ZMYM4: variants seen among roughly 807,000 people sequenced by gnomAD.
ZMYM4 encodes zinc finger MYM-type protein 4.
ZMYM4 carries 31 observed loss-of-function variants against 183.2 expected under a neutral mutation model. That is an observed-to-expected ratio of 0.17 (90% CI 0.13 to 0.23). The LOEUF is 0.23. ZMYM4 is among the 10% of genes least tolerant of loss of function. ZMYM4 has a pLI of 1.00. For synonymous variants in ZMYM4, 592 were observed against 631.2 expected (o/e 0.94, Z 0.93); for missense variants, 1,273 against 1,840.3 (o/e 0.69, Z 5.64).
intron 1 of ZMYM4, among the ~76,000 whole-genome samples, chr1:35,276,136 C>T (rs1639861080): frequency 6.6e-6 from 1 of 152,016 alleles, no homozygotes; most frequent in African/African-American, 2.4e-5. Context: ...TCTTTCTTTA[C>T]ACTTCCCAAT....
chr1:35,358,874 G>A, intron 2 of ZMYM4, 51 bp from the exon 3 acceptor site: 1 of 1,446,994 alleles, frequency 6.9e-7, no homozygotes, highest in Non-Finnish European at 9.5e-7. Flanking sequence ...CCTTATCATT[G>A]TGGTCATCTT....
At chr1:35,276,503 G>A (rs1377897879) in intron 1 of ZMYM4, among the ~76,000 whole-genome samples, 3 of 147,770 alleles carry the variant, frequency 2.0e-5, no homozygotes, top group Non-Finnish European at 4.4e-5. Context: ...TATTCTTTAA[G>A]TGTCTTTTTA....
chr1:35,408,983 T>C (rs1570546513), intron 26 of ZMYM4, among the ~76,000 whole-genome samples: 1 of 152,286 alleles, frequency 6.6e-6, no homozygotes, highest in East Asian at 1.9e-4. Context: ...GCTTTCTGTC[T>C]CTCTGGACTT....
chr1:35,378,963 A>T (rs1644392801), intron 7 of ZMYM4, among the ~76,000 whole-genome samples: 1 of 152,106 alleles, frequency 6.6e-6, no homozygotes, highest in African/African-American at 2.4e-5. Context: ...TCTTTACCTG[A>T]GTCTTCCTAG....
intron 10 of ZMYM4, 35 bp from the exon 11 acceptor site, chr1:35,386,039 A>T: frequency 7.0e-7 from 1 of 1,438,368 alleles, no homozygotes; most frequent in Non-Finnish European, 9.8e-7. Context: ...ACATTTGTAC[A>T]TATTACTCAT....
chr1:35,303,566 G>A (rs923191066), intron 1 of ZMYM4, among the ~76,000 whole-genome samples: 2 of 151,868 alleles, frequency 1.3e-5, no homozygotes, highest in Non-Finnish European at 2.9e-5. Context: ...CCATCACACC[G>A]ATCTAATGTT....
chr1:35,354,150 A>AAAAG (rs530672039), intron 2 of ZMYM4, among the ~76,000 whole-genome samples: 1 of 152,110 alleles, frequency 6.6e-6, no homozygotes, highest in African/African-American at 2.4e-5. Flanking sequence ...CTGTCTCAAA[A>AAAAG]AAAGAAAGAA....
At chr1:35,359,509 C>A in intron 3 of ZMYM4, 63 bp downstream of exon 3, 1 of 1,390,456 alleles carries the variant, frequency 7.2e-7, no homozygotes, top group Non-Finnish European at 9.6e-7. Context: ...TAATATATAG[C>A]TTTTATTACT....
intron 23 of ZMYM4, among the ~76,000 whole-genome samples, chr1:35,400,839 A>G (rs1390246415): frequency 2.6e-5 from 4 of 152,158 alleles, no homozygotes; most frequent in African/African-American, 9.7e-5. Context: ...CCTTTTCTGA[A>G]ATTTCACATG....
At chr1:35,305,340 G>C (rs554713599) in intron 1 of ZMYM4, among the ~76,000 whole-genome samples, 1 of 152,138 alleles carries the variant, frequency 6.6e-6, no homozygotes, top group African/African-American at 2.4e-5. Flanking sequence ...TCTGTTTTTT[G>C]CTTCATGTAT....
rs1643882631 is a variant in ZMYM4, at chr1:35,358,836, A to G, written c.86-89A>G. On this transcript the variant is annotated intron_variant, in intron 2 of 29. Coordinates refer to ENST00000314607, the MANE Select transcript of ZMYM4 (RefSeq NM_005095.3). ...TAATATCTGTATTTTGTTTGAAAAAATATTTATTTGGTTAAATACCAGACT... is the reference window on the plus strand; with the variant it reads ...TAATATCTGTATTTTGTTTGAAAAAGTATTTATTTGGTTAAATACCAGACT... 27 of 1,145,184 alleles carry G rather than the reference A, an allele frequency of 2.4e-5. No homozygotes were observed. In the South Asian group the frequency reaches 4.2e-4, roughly 18 times the overall value. 70.9% of individuals were successfully genotyped at this position (1,145,184 alleles called of 1,614,324 possible). A position where few individuals can be genotyped will look rare whatever the true frequency, so the allele number is the denominator to read the frequency against.
intron 28 of ZMYM4, among the ~76,000 whole-genome samples, chr1:35,416,213 TAGA>T (rs532960012): frequency 8.4e-4 from 128 of 152,356 alleles, no homozygotes; most frequent in African/African-American, 2.9e-3. Context: ...ACAATTTTAT[TAGA>T]AGGTTTATTG....
intron 26 of ZMYM4, among the ~76,000 whole-genome samples, chr1:35,411,971 C>T (rs1427546121): frequency 6.6e-6 from 1 of 151,962 alleles, no homozygotes; most frequent in Non-Finnish European, 1.5e-5. Flanking sequence ...CAAGCTCCGC[C>T]TCCTGGGTTC....
intron 23 of ZMYM4, chr1:35,399,878 C>G (rs1306248118): frequency 1.1e-5 from 3 of 262,434 alleles, no homozygotes; most frequent in Non-Finnish European, 2.2e-5. Flanking sequence ...GCTCTTTTTA[C>G]ATGTTATAAT....
intron 7 of ZMYM4, among the ~76,000 whole-genome samples, chr1:35,379,479 G>T (rs918244116): frequency 6.6e-6 from 1 of 152,104 alleles, no homozygotes; most frequent in African/African-American, 2.4e-5. Flanking sequence ...CAGTTGATCC[G>T]CCCGCCTCGG....
rs900781433 is a variant in ZMYM4 at position 35,400,867 on chromosome 1, T to C, written c.3528+1291T>C. Among the ~76,000 whole-genome samples, 3 of 152,238 alleles carry C rather than the reference T, an allele frequency of 2.0e-5. No individual in the cohort carries two copies. In the East Asian group the frequency reaches 5.8e-4, roughly 29 times the overall value. On this transcript the variant is annotated intron_variant, in intron 23 of 29. Coordinates refer to ENST00000314607, the MANE Select transcript of ZMYM4 (RefSeq NM_005095.3). ...TTCACATGAATGGAATCCTATAATA[T>C]GTAGTCTTCTGTGTTTAAGTTCTTT...
intron 1 of ZMYM4, among the ~76,000 whole-genome samples, chr1:35,296,827 TTTTC>T (rs199637023): frequency 5.9e-5 from 8 of 135,192 alleles, no homozygotes; most frequent in Non-Finnish European, 8.9e-5. Context: ...TACCTTTTCT[TTTTC>T]TTTCTTTCTT....
At chr1:35,334,074 G>A (rs760769354) in intron 2 of ZMYM4, among the ~76,000 whole-genome samples, 2 of 151,410 alleles carry the variant, frequency 1.3e-5, no homozygotes, top group African/African-American at 4.9e-5. Flanking sequence ...CCACCACTTC[G>A]GGAGACTGAG....
At chr1:35,340,721 A>G (rs1643168782) in intron 2 of ZMYM4, among the ~76,000 whole-genome samples, 1 of 152,092 alleles carries the variant, frequency 6.6e-6, no homozygotes, top group Non-Finnish European at 1.5e-5. Flanking sequence ...AATTCAAGCA[A>G]TGGGGAGTGG....
Sources: gnomAD v4.1 joint callset for allele counts (sites outside exome capture counted in the v4.1 genomes callset) on GRCh38, gnomAD v4.1.1 for gene constraint, MANE v1.5 for transcripts, NCBI Gene and HGNC (gene_info 2026-07-23, HGNC 2026-07-21) for gene names.